ATRNL1: variants seen among roughly 807,000 people sequenced by gnomAD.
ATRNL1 encodes attractin-like protein 1.
Under a neutral mutation model 182.7 loss-of-function variants are expected in ATRNL1, and 95 were observed. The observed-to-expected ratio is 0.52, with a 90% confidence interval of 0.44 to 0.62. The LOEUF is 0.62. Among genes scored for constraint, ATRNL1 ranks in the 20% least tolerant of loss-of-function variants. ATRNL1 has a pLI of 0.00. For synonymous variants in ATRNL1, 576 were observed against 568.3 expected (o/e 1.01, Z -0.19); for missense variants, 1,471 against 1,679.5 (o/e 0.88, Z 2.17).
intron 17 of ATRNL1, among the ~76,000 whole-genome samples, chr10:115,305,149 A>T (rs910492979): frequency 5.3e-5 from 8 of 151,526 alleles, no homozygotes; most frequent in Admixed American, 2.6e-4. Context: ...TCATCTTCCC[A>T]TTTAGAGGTA....
chr10:115,199,498 G>C (rs1848479234), intron 8 of ATRNL1, among the ~76,000 whole-genome samples: 1 of 151,884 alleles, frequency 6.6e-6, no homozygotes, highest in Non-Finnish European at 1.5e-5. Context: ...TGGGCAGTGG[G>C]GGTTGCAGTG....
intron 19 of ATRNL1, among the ~76,000 whole-genome samples, chr10:115,394,007 A>T (rs1213624001): frequency 2.0e-5 from 3 of 152,094 alleles, no homozygotes; most frequent in African/African-American, 7.2e-5. Flanking sequence ...GATGAGGATG[A>T]TCTCAGAAAC....
At chr10:115,131,762 T>TA (rs1405693941) in intron 5 of ATRNL1, among the ~76,000 whole-genome samples, 1 of 152,204 alleles carries the variant, frequency 6.6e-6, no homozygotes, top group Non-Finnish European at 1.5e-5. Context: ...AGATTGTTGT[T>TA]ACCTCCATTA....
At chr10:115,223,913 G>GTGTATATATA (rs71476115) in intron 9 of ATRNL1, among the ~76,000 whole-genome samples, 36 of 55,920 alleles carry the variant, frequency 6.4e-4, no homozygotes, top group African/African-American at 2.6e-3. Flanking sequence ...GTGTGTGTGT[G>GTGTATATATA]TATATATATA....
At chr10:115,624,521 A>G (rs574988481) in intron 26 of ATRNL1, among the ~76,000 whole-genome samples, 12 of 152,314 alleles carry the variant, frequency 7.9e-5, no homozygotes, top group African/African-American at 2.9e-4. Flanking sequence ...ATGAGATATA[A>G]AAGCAATGTG....
chr10:115,465,646 T>C (rs556160719), intron 22 of ATRNL1, among the ~76,000 whole-genome samples: 3 of 151,634 alleles, frequency 2.0e-5, no homozygotes, highest in South Asian at 4.1e-4. Context: ...CTTATATTCA[T>C]GGGCATTTAT....
chr10:115,705,484 C>G (rs1485451449), intron 26 of ATRNL1, among the ~76,000 whole-genome samples: 1 of 151,938 alleles, frequency 6.6e-6, no homozygotes, highest in East Asian at 1.9e-4. Flanking sequence ...TCATTTTACT[C>G]TAAATCTGTT....
chr10:115,207,712 A>C (rs1848855362), intron 8 of ATRNL1, among the ~76,000 whole-genome samples: 1 of 151,866 alleles, frequency 6.6e-6, no homozygotes, highest in East Asian at 1.9e-4. Flanking sequence ...ATGTGACTCC[A>C]CTGTCCTCTG....
intron 25 of ATRNL1, among the ~76,000 whole-genome samples, chr10:115,538,314 G>A (rs1426416329): frequency 6.6e-6 from 1 of 152,216 alleles, no homozygotes; most frequent in Non-Finnish European, 1.5e-5. Context: ...GCTGCGACCA[G>A]CAAAGCTCAG....
intron 24 of ATRNL1, among the ~76,000 whole-genome samples, chr10:115,471,655 G>A (rs75940986): frequency 1.4e-3 from 208 of 151,148 alleles, no homozygotes; most frequent in African/African-American, 4.6e-3. Context: ...GTGGAGAAAT[G>A]TATAATCAGG....
intron 8 of ATRNL1, among the ~76,000 whole-genome samples, chr10:115,210,903 T>C (rs181522129): frequency 1.5e-4 from 23 of 152,146 alleles, no homozygotes; most frequent in Non-Finnish European, 2.6e-4. Flanking sequence ...TTAGCTTTAC[T>C]TTTCTCACTT....
In ATRNL1 at chr10:115,930,638, C is replaced by A. The variant is rs79543841; in HGVS notation, c.4019-14020C>A. On this transcript the variant is annotated intron_variant, in intron 28 of 28. Transcript: ENST00000355044. Reference sequence around the variant, plus strand: ...AGATATAGCCACATTTTATCTCAGGCATCTCACTCAACATTTTTAAAGATA... The same window carrying A: ...AGATATAGCCACATTTTATCTCAGGAATCTCACTCAACATTTTTAAAGATA... Among the ~76,000 whole-genome samples, 575 of 152,316 alleles carry A rather than the reference C, an allele frequency of 3.8e-3. 1 individual carries two copies. The highest frequency in any genetic ancestry group is 7.2e-3 in the Admixed American group (110 of 15,290).
chr10:115,537,830 A>G (rs1572402), intron 25 of ATRNL1, among the ~76,000 whole-genome samples: 90,061 of 151,862 alleles, frequency 0.59, 28,491 homozygotes, highest in Non-Finnish European at 0.73. Context: ...CTCCCAGGAT[A>G]CAGAACAATG....
chr10:115,472,316 T>C (rs534520621), intron 24 of ATRNL1, among the ~76,000 whole-genome samples: 1 of 151,272 alleles, frequency 6.6e-6, no homozygotes, highest in East Asian at 1.9e-4. Flanking sequence ...AAAATTTCTT[T>C]GACTATTTGC....
In ATRNL1 at chr10:115,948,783, A is replaced by G. The variant is rs2133659872; in HGVS notation, c.*4004A>G. The G allele has an allele frequency of 6.6e-6, 1 of 152,362 alleles. No homozygotes were observed. The highest frequency in any genetic ancestry group is 6.5e-5 in the Admixed American group (1 of 15,310). 9.4% of individuals were successfully genotyped at this position (152,362 alleles called of 1,614,324 possible). A position where few individuals can be genotyped will look rare whatever the true frequency, so the allele number is the denominator to read the frequency against. On this transcript the variant is annotated 3_prime_UTR_variant, in exon 29 of 29. Transcript: ENST00000355044. ...TATAGCAGTGATTTCATTAGAGTGT[A>G]CATTTAACATTTTAGTTTTATCAAA...
At chr10:115,910,479 C>A (rs782689587) in intron 28 of ATRNL1, among the ~76,000 whole-genome samples, 24 of 152,092 alleles carry the variant, frequency 1.6e-4, no homozygotes, top group Admixed American at 5.9e-4. Context: ...AACTGAGCCA[C>A]CCCCCACCCT....
chr10:115,884,165 A>G (rs1467215468), intron 28 of ATRNL1, among the ~76,000 whole-genome samples: 1 of 152,188 alleles, frequency 6.6e-6, no homozygotes, highest in East Asian at 1.9e-4. Flanking sequence ...AATGAATTTG[A>G]AATCACATTT....
intron 19 of ATRNL1, among the ~76,000 whole-genome samples, chr10:115,380,744 A>G (rs1000647019): frequency 6.6e-6 from 1 of 152,176 alleles, no homozygotes; most frequent in Non-Finnish European, 1.5e-5. Context: ...CAATTATAAT[A>G]TCCAATTCAA....
chr10:115,414,514 T>G (rs1043975249), intron 20 of ATRNL1, among the ~76,000 whole-genome samples: 4 of 151,964 alleles, frequency 2.6e-5, no homozygotes, highest in African/African-American at 9.7e-5. Context: ...CCCATTCTTA[T>G]TGTATTAAAA....
Sources: allele counts gnomAD v4.1 joint callset (sites outside exome capture counted in the v4.1 genomes callset), GRCh38; gene constraint gnomAD v4.1.1; transcripts MANE v1.5; gene names NCBI Gene and HGNC (gene_info 2026-07-23, HGNC 2026-07-21).